PCDH7: variants seen among roughly 807,000 people sequenced by gnomAD.
The protein encoded by PCDH7 is protocadherin 7, also known as protocadherin-7.
In PCDH7, 17 loss-of-function variants were observed where a neutral mutation model predicts 58.9. The ratio of observed to expected loss-of-function variants is 0.29; its 90% CI spans 0.20 to 0.43. The LOEUF (loss-of-function observed/expected upper bound fraction) is 0.43, where lower values mean the gene tolerates loss of function less well. Among genes scored for constraint, PCDH7 ranks in the 20% least tolerant of loss-of-function variants. PCDH7 has a pLI of 1.00. For missense variants in PCDH7, 1,274 were observed against 1,441.0 expected, an observed-to-expected ratio of 0.88 and a Z score of 1.88; for synonymous variants, 664 against 616.4, an observed-to-expected ratio of 1.08 and a Z score of -1.14.
intron 3 of PCDH7, among the ~76,000 whole-genome samples, chr4:31,110,062 A>C (rs907806604): frequency 2.8e-4 from 43 of 152,366 alleles, no homozygotes; most frequent in African/African-American, 1.0e-3. Context: ...CAAAGCATTT[A>C]TGGCTACCTA....
intron 2 of PCDH7, among the ~76,000 whole-genome samples, chr4:30,943,123 A>G (rs1197384516): frequency 6.6e-6 from 1 of 151,922 alleles, no homozygotes; most frequent in East Asian, 1.9e-4. Flanking sequence ...TCATATTTCT[A>G]TTTTTAAATC....
downstream of PCDH7, among the ~76,000 whole-genome samples, chr4:30,737,115 A>C (rs536264543): frequency 7.9e-4 from 120 of 152,226 alleles, 2 homozygotes; most frequent in South Asian, 0.024. Context: ...TCTGTCACTG[A>C]TTGGCTGGTG....
intron 3 of PCDH7, among the ~76,000 whole-genome samples, chr4:31,019,611 C>T (rs552962006): frequency 9.2e-4 from 140 of 151,870 alleles, no homozygotes; most frequent in Middle Eastern, 3.4e-3. Context: ...CAGGCTTTAA[C>T]CCAGGAGGTG....
intron 1 of PCDH7, among the ~76,000 whole-genome samples, chr4:30,807,272 T>C (rs927580281): frequency 3.1e-4 from 47 of 152,244 alleles, no homozygotes; most frequent in African/African-American, 1.1e-3. Context: ...TCTATTTGTT[T>C]TTATCATTAG....
chr4:30,779,241 T>C (rs117950495), intron 1 of PCDH7, among the ~76,000 whole-genome samples: 3,539 of 151,916 alleles, frequency 0.023, 207 homozygotes, highest in East Asian at 0.22. Flanking sequence ...CCCAGGCTGG[T>C]CTCAAACTTC....
rs1481447699 is a variant in PCDH7 at position 30,852,787 on chromosome 4, G to A, written c.71-67366G>A. 2.1e-5 allele frequency among the ~76,000 whole-genome samples: 3 copies of A among 141,424 alleles called. No homozygotes were observed. In the East Asian group the frequency reaches 6.2e-4, roughly 29 times the overall value. 92.8% of individuals were successfully genotyped at this position (141,424 alleles called of 152,430 possible). Reference sequence around the variant, plus strand: ...AGCAATTGGTAGAAATTGATGTGGAGCTGTCAGAACCAGAACTCAAACTCA... The same window carrying A: ...AGCAATTGGTAGAAATTGATGTGGAACTGTCAGAACCAGAACTCAAACTCA... On this transcript the variant is annotated intron_variant, in intron 1 of 3. Transcript: ENST00000509759.
At chr4:31,113,837 T>C (rs1271877451) in intron 3 of PCDH7, among the ~76,000 whole-genome samples, 5 of 146,050 alleles carry the variant, frequency 3.4e-5, no homozygotes, top group South Asian at 2.2e-4. Context: ...CTTTCTTTTT[T>C]TTTTTTTTTT....
Position 31,047,628 on chromosome 4 carries a change from ATTGG to A in PCDH7, c.*8-94841_*8-94838del, listed in dbSNP as rs1304749171. On this transcript the variant is annotated intron_variant, in intron 3 of 3. Coordinates refer to the PCDH7 transcript ENST00000509759. The stretch of plus-strand genomic sequence containing the variant: ...GAGAAATTATTCAGTTTTTTGATTG[ATTGG>A]TTGACTGACTGATTTCAGAGCTTTC... 3.3e-5 allele frequency among the ~76,000 whole-genome samples: 5 copies of A among 152,078 alleles called. 1 individual carries two copies. Among genetic ancestry groups the A allele is most frequent in the East Asian group, 3.9e-4 (2 of 5,188 alleles).
chr4:31,024,962 C>T (rs1754312447), intron 3 of PCDH7, among the ~76,000 whole-genome samples: 1 of 152,142 alleles, frequency 6.6e-6, no homozygotes, highest in African/African-American at 2.4e-5. Context: ...AGGGTGGTCT[C>T]GAACTCCTGA....
chr4:30,991,904 C>G (rs1032728560), intron 3 of PCDH7, among the ~76,000 whole-genome samples: 1 of 152,058 alleles, frequency 6.6e-6, no homozygotes, highest in Non-Finnish European at 1.5e-5. Flanking sequence ...AAGAATTTTA[C>G]TAAATATTTG....
chr4:31,033,607 C>A (rs1755140137), intron 3 of PCDH7, among the ~76,000 whole-genome samples: 1 of 152,272 alleles, frequency 6.6e-6, no homozygotes, highest in South Asian at 2.1e-4. Context: ...TTTGGCAATG[C>A]TTTTTATTCA....
chr4:31,103,980 A>G (rs1053985918), intron 3 of PCDH7, among the ~76,000 whole-genome samples: 2 of 152,126 alleles, frequency 1.3e-5, no homozygotes, highest in Non-Finnish European at 2.9e-5. Context: ...GCAATTACTT[A>G]TGCTGTTCCC....
intron 1 of PCDH7, among the ~76,000 whole-genome samples, chr4:30,905,013 C>T (rs945246431): frequency 1.5e-4 from 23 of 151,834 alleles, no homozygotes; most frequent in African/African-American, 4.8e-4. Flanking sequence ...ATGTAGTTTC[C>T]TAAACAGATT....
intron 1 of PCDH7, among the ~76,000 whole-genome samples, chr4:30,912,377 C>A (rs1741891333): frequency 6.6e-6 from 1 of 152,142 alleles, no homozygotes; most frequent in Admixed American, 6.6e-5. Context: ...ACAGCCTTAG[C>A]CCCTCTTTAA....
chr4:30,822,005 C>T (rs191437992), intron 1 of PCDH7, among the ~76,000 whole-genome samples: 1 of 152,216 alleles, frequency 6.6e-6, no homozygotes, highest in Non-Finnish European at 1.5e-5. Context: ...TTGAGTTAAG[C>T]CCTGTCTCGT....
chr4:31,015,119 G>T (rs1259693179), intron 3 of PCDH7, among the ~76,000 whole-genome samples: 1 of 152,084 alleles, frequency 6.6e-6, no homozygotes, highest in African/African-American at 2.4e-5. Context: ...ATATGTCAAT[G>T]GCTGACCCTC....
chr4:31,019,172 A>G (rs143047640), intron 3 of PCDH7, among the ~76,000 whole-genome samples: 1,537 of 151,778 alleles, frequency 0.01, 24 homozygotes, highest in African/African-American at 0.035. Flanking sequence ...AACTGCAAAG[A>G]AAAAAAAAGA....
Position 30,994,745 on chromosome 4 carries a change from C to T in PCDH7, c.*7+44530C>T, listed in dbSNP as rs1751729734. On this transcript the variant is annotated intron_variant, in intron 3 of 3. Coordinates refer to the PCDH7 transcript ENST00000509759. ...TTGAAAATGTATAAAAAATCACTAT[C>T]CTTTATTAAAAAAGATACAATATTA... Among the ~76,000 whole-genome samples, 5 of 152,140 alleles carry T rather than the reference C, an allele frequency of 3.3e-5. No individual in the cohort carries two copies. The South Asian group carries it at 1.0e-3, about 32-fold the overall frequency.
chr4:31,078,714 C>A (rs1759221880), intron 3 of PCDH7, among the ~76,000 whole-genome samples: 1 of 141,992 alleles, frequency 7.0e-6, no homozygotes, highest in Admixed American at 7.6e-5. Flanking sequence ...TAAGTCAATC[C>A]CAAAATTTGT....
Sources: gnomAD v4.1 joint callset for allele counts (sites outside exome capture counted in the v4.1 genomes callset) on GRCh38, gnomAD v4.1.1 for gene constraint, MANE v1.5 for transcripts, NCBI Gene and HGNC (gene_info 2026-07-23, HGNC 2026-07-21) for gene names.